The following PLA2G4B variants were observed in gnomAD, a reference collection of about 807,000 sequenced individuals.
PLA2G4B encodes the protein cytosolic phospholipase A2 beta.
In PLA2G4B, 122 loss-of-function variants were observed where a neutral mutation model predicts 95.8. The observed-to-expected ratio is 1.27, with a 90% CI of 1.10 to 1.48. The LOEUF is 1.48. Among genes scored for constraint, PLA2G4B ranks in the 40% most tolerant of loss-of-function variants. PLA2G4B has a pLI of 0.00. For missense variants in PLA2G4B, 1,158 were observed against 996.2 expected (o/e 1.16, Z -2.19); for synonymous variants, 518 against 421.5 (o/e 1.23, Z -2.80).
At position 41,847,345 on chromosome 15, in the gene PLA2G4B, G is replaced by C; in HGVS notation, c.1956G>C (p.Gln652His). The change falls in exon 19 of 20, where the codon CAG (glutamine) becomes CAC (histidine). Residue 652 changes from glutamine to histidine, a missense_variant. Coordinates refer to ENST00000458483, the MANE Select transcript of PLA2G4B (RefSeq NM_001114633.2). ...YNLHGAFQQLQLLGRFCQEQG... is the reference protein window; with the variant it reads ...YNLHGAFQQLHLLGRFCQEQG... ...TTCTGCCTGCCCTGCAGCAGTTGCA[G>C]CTCCTGGGCCGGTTCTGCCAGGAGC... is the stretch of plus-strand genomic sequence containing the variant. 2 of 1,601,510 alleles carry C rather than the reference G, an allele frequency of 1.2e-6. No individual in the cohort carries two copies. Among genetic ancestry groups the C allele is most frequent in the Non-Finnish European group, 1.7e-6 (2 of 1,172,930 alleles).
chr15:41,842,362 C>A, intron 9 of PLA2G4B, 86 bp downstream of exon 9: 1 of 1,581,880 alleles, frequency 6.3e-7, no homozygotes, highest in Non-Finnish European at 8.6e-7. Context: ...TCCCGCTTCT[C>A]CGTGGGTCAC....
rs755155346 is a variant in PLA2G4B, at chr15:41,846,252, C to T, written c.1650C>T (p.Ala550=). The T allele has an allele frequency of 4.4e-5, 71 of 1,613,970 alleles. No individual in the cohort carries two copies. Among genetic ancestry groups the T allele is most frequent in the Admixed American group, 6.7e-5 (4 of 60,012 alleles). ...LLKIEEPPST[A]GRIAEFFTDL... ...AGATAGAAGAACCACCCTCAACAGC[C>T]GGCAGGATAGCTGAGTTTTTCACCG... is the stretch of plus-strand genomic sequence containing the variant. Residue 550 remains alanine (A), a synonymous_variant, in exon 17 of 20, where the codon GCC becomes GCT. Transcript: ENST00000458483.
Position 41,847,526 on chromosome 15 carries a change from G to A in PLA2G4B, c.2134+3G>A, listed in dbSNP as rs367572344. Reference sequence around the variant, plus strand: ...CTTCCGGGAGTACTCGGCCCCTGGTGAGCTGCTGTTCACCTCCCCATCCTG... The same window carrying A: ...CTTCCGGGAGTACTCGGCCCCTGGTAAGCTGCTGTTCACCTCCCCATCCTG... On this transcript the variant is annotated splice_donor_region_variant and intron_variant, in intron 19 of 19. Coordinates refer to ENST00000458483, the MANE Select transcript of PLA2G4B (RefSeq NM_001114633.2). The A allele has an allele frequency of 1.9e-6, 3 of 1,602,882 alleles. No homozygotes were observed. Among genetic ancestry groups the A allele is most frequent in the Admixed American group, 3.4e-5 (2 of 59,690 alleles).
At chr15:41,841,468 C>G (rs2065430926) in intron 6 of PLA2G4B, 49 bp from the exon 7 acceptor site, 1 of 1,613,606 alleles carries the variant, frequency 6.2e-7, no homozygotes, top group Non-Finnish European at 8.5e-7. Flanking sequence ...GGTGGGGTCC[C>G]TGAATGGGGG....
At position 41,847,841 on chromosome 15, in the gene PLA2G4B, G is replaced by A. The variant is rs773261998; in HGVS notation, c.2327G>A (p.Arg776Gln). The A allele has an allele frequency of 2.9e-5, 46 of 1,612,778 alleles. 1 individual carries two copies. In the South Asian group the frequency reaches 4.5e-4, roughly 16 times the overall value. Reference sequence around the variant, plus strand: ...CTGCGCCAGGCAGTGCAGCGGAGGCGGCAGCGCAGGCCCCACTGATGGCCG... The same window carrying A: ...CTGCGCCAGGCAGTGCAGCGGAGGCAGCAGCGCAGGCCCCACTGATGGCCG... ...EALRQAVQRR[R>Q]QRRPH Residue 776 changes from arginine (R) to glutamine (Q), a missense_variant, in exon 20 of 20, where the codon CGG becomes CAG. Transcript: ENST00000458483.
Position 41,839,120 on chromosome 15 carries a change from G to T in PLA2G4B, c.9+198G>T, listed in dbSNP as rs115190577. ...GAGGGATCCGTCCTGAGTGTTTTCTGTCCTGGGAACGGGCTCCTGGCAGAG... is the reference window on the plus strand; with the variant it reads ...GAGGGATCCGTCCTGAGTGTTTTCTTTCCTGGGAACGGGCTCCTGGCAGAG... On this transcript the variant is annotated intron_variant, in intron 1 of 19. Transcript: ENST00000458483. 7.7e-3 allele frequency: 3,514 copies of T among 454,954 alleles called. 111 individuals are homozygous for T. The highest frequency in any genetic ancestry group is 0.065 in the African/African-American group (3,264 of 49,892). 28.2% of individuals were successfully genotyped at this position (454,954 alleles called of 1,614,324 possible).
intron 7 of PLA2G4B, 85 bp downstream of exon 7, chr15:41,841,656 T>C: frequency 6.3e-7 from 1 of 1,595,212 alleles, no homozygotes; most frequent in South Asian, 1.1e-5. Context: ...CCTTGGGGCC[T>C]GAGCTTTCCC....
intron 18 of PLA2G4B, among the ~76,000 whole-genome samples, chr15:41,847,038 G>T (rs534470231): frequency 6.6e-5 from 10 of 152,164 alleles, no homozygotes; most frequent in Admixed American, 5.2e-4. Flanking sequence ...TTGTAGCTGG[G>T]TCCCCTTTAC....
At position 41,845,725 on chromosome 15, in the gene PLA2G4B, TG is replaced by T. The variant is rs2065529663; in HGVS notation, c.1449del (p.Gln484SerfsTer2). 1 of 1,612,420 alleles carries T rather than the reference TG, an allele frequency of 6.2e-7. No homozygotes were observed. Among genetic ancestry groups the T allele is most frequent in the African/African-American group, 1.3e-5 (1 of 74,898 alleles). ...GAGCTCTTTGGCTCCGAGTTCTTTA[TG>T]GGGCAGCTGATGAAGAGGCTTCCTG... ...PSELFGSEFF[M>X]GQLMKRLPES... is the part of the protein sequence containing the mutation. On this transcript the variant is annotated frameshift_variant, in exon 15 of 20. Transcript: ENST00000458483. LOFTEE classifies it high-confidence loss of function.
intron 16 of PLA2G4B, 55 bp from the exon 17 acceptor site, chr15:41,846,148 C>T (rs992129390): frequency 1.9e-6 from 3 of 1,595,048 alleles, no homozygotes; most frequent in Non-Finnish European, 2.6e-6. Flanking sequence ...AGGGTCACCA[C>T]CAAGGTGGGG....
At chr15:41,845,808 C>T in intron 15 of PLA2G4B, 33 bp downstream of exon 15, 1 of 1,564,738 alleles carries the variant, frequency 6.4e-7, no homozygotes, top group Non-Finnish European at 8.7e-7. Flanking sequence ...GGAAGCTGGG[C>T]CGAGCAGGGA....
intron 6 of PLA2G4B, 56 bp from the exon 7 acceptor site, chr15:41,841,461 G>A (rs2065430769): frequency 3.7e-6 from 6 of 1,613,248 alleles, no homozygotes; most frequent in Admixed American, 3.3e-5. Context: ...CTGCGAGGGT[G>A]GGGTCCCTGA....
intron 18 of PLA2G4B, 113 bp downstream of exon 18, chr15:41,846,948 G>A (rs2065566818): frequency 7.3e-7 from 1 of 1,363,748 alleles, no homozygotes; most frequent in Non-Finnish European, 9.8e-7. Flanking sequence ...CTGTGATTGG[G>A]ACACTGGAAT....
rs558101857 is a variant in PLA2G4B at position 41,844,859 on chromosome 15, A to T, written c.1028A>T (p.Asn343Ile). 1 of 1,605,586 alleles carries T rather than the reference A, an allele frequency of 6.2e-7. No individual in the cohort carries two copies. The highest frequency in any genetic ancestry group is 1.3e-5 in the African/African-American group (1 of 74,970). ...GASGSTWALA[N>I]LYEDPEWSQK... ...TTGGCTTTTCCCAGGGCCTTGGCCA[A>T]CCTTTATGAGGACCCAGAGTGGTCT... is the stretch of plus-strand genomic sequence containing the variant. Residue 343 changes from asparagine to isoleucine, a missense_variant, in exon 13 of 20, where the codon AAC becomes ATC. Coordinates refer to ENST00000458483, the MANE Select transcript of PLA2G4B (RefSeq NM_001114633.2).
rs1042482157 is a variant in PLA2G4B at position 41,840,857 on chromosome 15, T to A, written c.303T>A (p.Thr101=). The A allele has an allele frequency of 6.2e-7, 1 of 1,613,822 alleles. No homozygotes were observed. The highest frequency in any genetic ancestry group is 1.3e-5 in the African/African-American group (1 of 74,932). The stretch of plus-strand genomic sequence containing the variant: ...TGTCAGTACTGTTTGATGCGGGGAC[T>A]CTGCGGGCTGGGGAGTTCCGGCGCG... The part of the protein sequence containing the change: ...PVLSVLFDAG[T]LRAGEFRRES... The change falls in exon 4 of 20, where the codon ACT becomes ACA. Residue 101 remains threonine (T), a synonymous_variant. Transcript: ENST00000458483.
chr15:41,843,851 T>C (rs908397044), intron 11 of PLA2G4B, 40 bp downstream of exon 11: 2 of 1,606,750 alleles, frequency 1.2e-6, no homozygotes, highest in East Asian at 2.2e-5. Context: ...CCGGGCTTGC[T>C]TGGGCCTAGC....
Position 41,847,308 on chromosome 15 carries a change from C to T in PLA2G4B, c.1948-29C>T, listed in dbSNP as rs900735686. 9.5e-6 allele frequency: 15 copies of T among 1,572,498 alleles called. No individual in the cohort carries two copies. The African/African-American group carries it at 1.8e-4, about 18-fold the overall frequency. ...GTTGAGGATGCCAGGGGCCCTGTCCCTCTGAAGCCCCTTCTGCCTGCCCTG... is the reference window on the plus strand; with the variant it reads ...GTTGAGGATGCCAGGGGCCCTGTCCTTCTGAAGCCCCTTCTGCCTGCCCTG... On this transcript the variant is annotated intron_variant, in intron 18 of 19. Coordinates refer to ENST00000458483, the MANE Select transcript of PLA2G4B (RefSeq NM_001114633.2).
Position 41,846,330 on chromosome 15 carries a change from C to T in PLA2G4B, c.1728C>T (p.Gly576=), listed in dbSNP as rs762714968. 4 of 1,611,534 alleles carry T rather than the reference C, an allele frequency of 2.5e-6. No individual in the cohort carries two copies. Among genetic ancestry groups the T allele is most frequent in the South Asian group, 1.1e-5 (1 of 91,048 alleles). ...LAQATHNFLR[G]LHFHKDYFQH... Reference sequence around the variant, plus strand: ...AGGCCACACATAATTTCCTGCGTGGCCTCCATTTCCACAAAGACTACTTTC... The same window carrying T: ...AGGCCACACATAATTTCCTGCGTGGTCTCCATTTCCACAAAGACTACTTTC... The change falls in exon 17 of 20, where the codon GGC becomes GGT. Residue 576 remains glycine, a synonymous_variant. Transcript: ENST00000458483.
At chr15:41,841,329 C>T in intron 6 of PLA2G4B, 56 bp downstream of exon 6, 1 of 1,611,442 alleles carries the variant, frequency 6.2e-7, no homozygotes. Context: ...TCCCTCATGC[C>T]AGCGACTTGA....
Sources: allele counts gnomAD v4.1 joint callset (sites outside exome capture counted in the v4.1 genomes callset), GRCh38; gene constraint gnomAD v4.1.1; transcripts MANE v1.5; gene names NCBI Gene and HGNC (gene_info 2026-07-23, HGNC 2026-07-21).